Variants in GRAMD1B observed in about 807,000 individuals in gnomAD.
GRAMD1B encodes protein Aster-B.
GRAMD1B carries 37 observed loss-of-function variants against 99.7 expected under a neutral mutation model. That is an observed-to-expected ratio of 0.37 (90% CI 0.29 to 0.49). The LOEUF is 0.49. Ranked by LOEUF, GRAMD1B falls within the 20% of genes least tolerant of loss-of-function variation. The pLI is 0.98. For synonymous variants in GRAMD1B, 427 were observed against 387.6 expected (o/e 1.10, Z -1.19); for missense variants, 888 against 1,009.2 (o/e 0.88, Z 1.63).
chr11:123,606,764 T>G lies in GRAMD1B; in HGVS notation c.1479T>G (p.Thr493=). 2 of 1,613,864 alleles carry G rather than the reference T, an allele frequency of 1.2e-6. No homozygotes were observed. Among genetic ancestry groups the G allele is most frequent in the South Asian group, 2.2e-5 (2 of 91,010 alleles). The change falls in exon 11 of 20, where the codon ACT becomes ACG. Residue 493 remains threonine (T), a synonymous_variant. Transcript: ENST00000635736. ...TCAATGACAATGAGGACATCCCCAC[T>G]GAGCTCAGTGACTCTTCCGACACAC... ...LDFNDNEDIP[T]ELSDSSDTHD... is the part of the protein sequence containing the mutation.
intron 1 of GRAMD1B, among the ~76,000 whole-genome samples, chr11:123,423,241 GACACAC>G (rs57312255): frequency 2.7e-4 from 40 of 146,276 alleles, no homozygotes; most frequent in East Asian, 1.6e-3. Flanking sequence ...CCAACAATAA[GACACAC>G]ACACACACAC....
At chr11:123,484,929 C>A (rs767703374) in intron 2 of GRAMD1B, among the ~76,000 whole-genome samples, 2 of 152,068 alleles carry the variant, frequency 1.3e-5, no homozygotes, top group Non-Finnish European at 2.9e-5. Flanking sequence ...AGATTGGAAC[C>A]CTGGGGAGAT....
intron 2 of GRAMD1B, among the ~76,000 whole-genome samples, chr11:123,562,124 G>T (rs1484732533): frequency 6.6e-6 from 1 of 152,172 alleles, no homozygotes; most frequent in Non-Finnish European, 1.5e-5. Flanking sequence ...TGAGGTGGGA[G>T]GATCGCTTGA....
At chr11:123,452,056 A>G (rs1387248928) in intron 1 of GRAMD1B, among the ~76,000 whole-genome samples, 1 of 151,060 alleles carries the variant, frequency 6.6e-6, no homozygotes, top group Non-Finnish European at 1.5e-5. Context: ...TTAGTCTTGA[A>G]CTCCCAGCCT....
At chr11:123,501,403 T>C (rs746761341) in intron 2 of GRAMD1B, among the ~76,000 whole-genome samples, 13 of 152,110 alleles carry the variant, frequency 8.5e-5, no homozygotes, top group African/African-American at 2.2e-4. Context: ...ATTCCTGGCC[T>C]CAAGTGATCC....
At chr11:123,366,983 C>T (rs1441868825) in intron 1 of GRAMD1B, among the ~76,000 whole-genome samples, 3 of 152,084 alleles carry the variant, frequency 2.0e-5, no homozygotes, top group African/African-American at 2.4e-5. Flanking sequence ...GTGGGAGGAT[C>T]GCTTGAGATC....
exon 1 of GRAMD1B, chr11:123,358,571 G>C (rs1044773479): frequency 1.3e-5 from 2 of 152,076 alleles, no homozygotes; most frequent in South Asian, 2.1e-4. Flanking sequence ...GGCGCAGCGC[G>C]AGTGCGTGGA....
chr11:123,606,200 G>C (rs148089105), intron 10 of GRAMD1B, among the ~76,000 whole-genome samples: 2 of 152,178 alleles, frequency 1.3e-5, no homozygotes, highest in African/African-American at 4.8e-5. Context: ...GAGTTGTATC[G>C]ATTCCCTTCC....
intron 1 of GRAMD1B, among the ~76,000 whole-genome samples, chr11:123,469,430 G>A (rs1037036591): frequency 6.6e-6 from 1 of 152,174 alleles, no homozygotes; most frequent in African/African-American, 2.4e-5. Context: ...GAGGCCGTCG[G>A]AGTGATGAAT....
rs1200948824 is a variant in GRAMD1B at position 123,591,215 on chromosome 11, A to C, written c.685-2867A>C. ...TCACTTGTGAAGCTTCATGCTGGGC[A>C]TGCAGCTCTAGGAGCAGAAAGGACA... On this transcript the variant is annotated intron_variant, in intron 4 of 19. Transcript: ENST00000635736. This position sits in a 1 kb window ranked among gnomAD's most constrained non-coding sequence, Gnocchi z 4.7. 7.7e-6 allele frequency: 3 copies of C among 389,566 alleles called. No individual in the cohort carries two copies. Among genetic ancestry groups the C allele is most frequent in the African/African-American group, 2.1e-5 (1 of 48,488 alleles). 24.1% of individuals were successfully genotyped at this position (389,566 alleles called of 1,614,324 possible). A position where few individuals can be genotyped will look rare whatever the true frequency, so the allele number is the denominator to read the frequency against.
rs547886062 is a variant in GRAMD1B at position 123,581,657 on chromosome 11, G to A, written c.664-2655G>A. On this transcript the variant is annotated intron_variant, in intron 3 of 19. Coordinates refer to ENST00000635736, the MANE Select transcript of GRAMD1B (RefSeq NM_001387025.1). ...CTGGAGATTGCTGGTTCAGGGCAGA[G>A]CCTCAGCACAGTCCTACTCCTTGGT... 5.9e-5 allele frequency among the ~76,000 whole-genome samples: 9 copies of A among 152,328 alleles called. No homozygotes were observed. In the South Asian group the frequency reaches 1.5e-3, roughly 25 times the overall value.
intron 1 of GRAMD1B, among the ~76,000 whole-genome samples, chr11:123,414,225 A>C (rs1378527213): frequency 5.9e-5 from 9 of 152,058 alleles, no homozygotes; most frequent in Non-Finnish European, 1.3e-4. Context: ...TTGTATTTTT[A>C]GTAGAGACAG....
intron 3 of GRAMD1B, among the ~76,000 whole-genome samples, chr11:123,581,689 C>T (rs1949367857): frequency 6.6e-6 from 1 of 152,220 alleles, no homozygotes; most frequent in African/African-American, 2.4e-5. Flanking sequence ...TGGTATGTTT[C>T]ACGTTTCTTT....
At chr11:123,572,833 G>A (rs3020905) in intron 2 of GRAMD1B, among the ~76,000 whole-genome samples, 3 of 145,548 alleles carry the variant, frequency 2.1e-5, no homozygotes, top group Admixed American at 1.4e-4. Context: ...GGGCAGGGGC[G>A]CAGGTAGGCC....
At chr11:123,619,396 T>C (rs1354612055) in intron 19 of GRAMD1B, 172 bp downstream of exon 19, 50 of 1,479,970 alleles carry the variant, frequency 3.4e-5, no homozygotes, top group Non-Finnish European at 4.0e-5. Context: ...TTGAGTGGGC[T>C]GCTAGAAATG....
intron 1 of GRAMD1B, among the ~76,000 whole-genome samples, chr11:123,436,892 A>C (rs747581479): frequency 4.6e-4 from 70 of 152,166 alleles, no homozygotes; most frequent in African/African-American, 1.4e-3. Flanking sequence ...TCCTAATGCT[A>C]TCCCTCCCCG....
intron 2 of GRAMD1B, among the ~76,000 whole-genome samples, chr11:123,522,979 G>A (rs938597888): frequency 3.9e-5 from 6 of 152,144 alleles, no homozygotes; most frequent in African/African-American, 7.2e-5. Flanking sequence ...AGCTGGGCAC[G>A]CCTGCATTCA....
Position 123,387,967 on chromosome 11 carries a change from T to C in GRAMD1B, c.-176+29168T>C, listed in dbSNP as rs1429885995. Among the ~76,000 whole-genome samples, 6 of 149,734 alleles carry C rather than the reference T, an allele frequency of 4.0e-5. No individual in the cohort carries two copies. In the South Asian group the frequency reaches 1.1e-3, roughly 27 times the overall value. On this transcript the variant is annotated intron_variant, in intron 1 of 20. Transcript: ENST00000638157. Reference sequence around the variant, plus strand: ...GGCAAAACCCCATCTCTACTAAAAATACAAAAAAATTAGCCAGGTGTGGTG... The same window carrying C: ...GGCAAAACCCCATCTCTACTAAAAACACAAAAAAATTAGCCAGGTGTGGTG...
At chr11:123,395,239 G>A (rs1947418655) in intron 1 of GRAMD1B, among the ~76,000 whole-genome samples, 1 of 152,086 alleles carries the variant, frequency 6.6e-6, no homozygotes, top group Non-Finnish European at 1.5e-5. Flanking sequence ...AGGTATTATT[G>A]TGTAGATTTT....
Sources: gnomAD v4.1 joint callset for allele counts (sites outside exome capture counted in the v4.1 genomes callset) on GRCh38, gnomAD v4.1.1 for gene constraint, Gnocchi (gnomAD v3.1) non-coding constraint, MANE v1.5 for transcripts, NCBI Gene and HGNC (gene_info 2026-07-23, HGNC 2026-07-21) for gene names.